The following TENM3 variants were observed in gnomAD, a reference collection of about 807,000 sequenced individuals.
The protein encoded by TENM3 is teneurin transmembrane protein 3, also known as teneurin-3.
TENM3 carries 63 observed loss-of-function variants against 255.1 expected under a neutral mutation model. That is an observed-to-expected ratio of 0.25 (90% CI 0.20 to 0.30). The LOEUF (loss-of-function observed/expected upper bound fraction) is 0.30, where lower values mean the gene tolerates loss of function less well. TENM3 is among the 10% of genes least tolerant of loss of function. TENM3 has a pLI of 1.00. For synonymous variants in TENM3, 1,306 were observed against 1,322.3 expected (o/e 0.99, Z 0.27); for missense variants, 2,929 against 3,461.1 (o/e 0.85, Z 3.86).
chr4:182,259,571 C>T (rs765118212), intron 1 of TENM3, among the ~76,000 whole-genome samples: 4 of 152,138 alleles, frequency 2.6e-5, no homozygotes, highest in African/African-American at 7.2e-5. Flanking sequence ...CCTCTGCCTC[C>T]CAAAGTGCTG....
At chr4:181,953,724 C>A in the TENM3 span, among the ~76,000 whole-genome samples, 2 of 151,910 alleles carry the variant, frequency 1.3e-5, no homozygotes, top group East Asian at 3.9e-4. Flanking sequence ...TGTGAAGAAG[C>A]TTTATAAACC....
intron 1 of TENM3, among the ~76,000 whole-genome samples, chr4:182,150,047 T>C (rs1397271278): frequency 6.6e-6 from 1 of 152,022 alleles, no homozygotes; most frequent in South Asian, 2.1e-4. Context: ...TCTCAAATAT[T>C]GTGGAGTAGT....
chr4:182,364,894 T>A (rs1329398287), intron 3 of TENM3, among the ~76,000 whole-genome samples: 1 of 152,242 alleles, frequency 6.6e-6, no homozygotes, highest in African/African-American at 2.4e-5. Flanking sequence ...GGCTAAATCT[T>A]TGCCTCTAAT....
At chr4:181,690,533 A>T in the TENM3 span, among the ~76,000 whole-genome samples, 1 of 152,206 alleles carries the variant, frequency 6.6e-6, no homozygotes, top group South Asian at 2.1e-4. Context: ...CACTTTAAAA[A>T]ATACATATGT....
chr4:182,137,956 T>C, the TENM3 span, among the ~76,000 whole-genome samples: 1 of 152,198 alleles, frequency 6.6e-6, no homozygotes, highest in Non-Finnish European at 1.5e-5. Flanking sequence ...GAATAGTAAA[T>C]AAATTATTTT....
At chr4:182,253,107 T>G (rs1224096543) in intron 1 of TENM3, among the ~76,000 whole-genome samples, 1 of 152,206 alleles carries the variant, frequency 6.6e-6, no homozygotes, top group Non-Finnish European at 1.5e-5. Context: ...ACATTTTACT[T>G]TAGGGTTTAA....
At chr4:182,316,474 C>A (rs2150451620) in intron 1 of TENM3, among the ~76,000 whole-genome samples, 1 of 152,102 alleles carries the variant, frequency 6.6e-6, no homozygotes, top group Non-Finnish European at 1.5e-5. Context: ...AAATTTTGCC[C>A]CAGGGACATT....
the TENM3 span, among the ~76,000 whole-genome samples, chr4:181,875,636 A>C: frequency 6.6e-6 from 1 of 152,088 alleles, no homozygotes; most frequent in Non-Finnish European, 1.5e-5. Context: ...ACGACAACAC[A>C]TTGATCTTTC....
At chr4:182,203,360 T>C (rs1211838821) in intron 1 of TENM3, among the ~76,000 whole-genome samples, 1 of 152,180 alleles carries the variant, frequency 6.6e-6, no homozygotes, top group Non-Finnish European at 1.5e-5. Context: ...GTTTAGGGCA[T>C]TGGAGAGAAA....
chr4:181,701,658 T>C, the TENM3 span, among the ~76,000 whole-genome samples: 2 of 152,232 alleles, frequency 1.3e-5, no homozygotes, highest in African/African-American at 2.4e-5. Context: ...CTTGCCTTTA[T>C]AGTGAAAGAC....
rs1029226534 is a variant in TENM3, at chr4:182,748,377, C to T, written c.3630-3423C>T. On this transcript the variant is annotated intron_variant, in intron 19 of 27. Coordinates refer to ENST00000511685, the MANE Select transcript of TENM3 (RefSeq NM_001080477.4). ...ATCCCTGTGCTCCAGCTGCTGGCTG[C>T]AGCCGGTTCCGTCGTGGTAGCCTCA... Among the ~76,000 whole-genome samples, 43 of 152,200 alleles carry T rather than the reference C, an allele frequency of 2.8e-4. 2 individuals are homozygous for T.
chr4:182,022,316 C>T, the TENM3 span, among the ~76,000 whole-genome samples: 95 of 152,250 alleles, frequency 6.2e-4, no homozygotes, highest in African/African-American at 2.2e-3. Context: ...TCAAATACTG[C>T]ATGTTCTCAC....
At chr4:181,449,319 C>T in the TENM3 span, among the ~76,000 whole-genome samples, 5 of 152,096 alleles carry the variant, frequency 3.3e-5, no homozygotes, top group East Asian at 1.9e-4. Flanking sequence ...CCTAACTACA[C>T]ACTGTGATCC....
At chr4:182,355,913 A>T (rs992294190) in intron 3 of TENM3, among the ~76,000 whole-genome samples, 5 of 147,778 alleles carry the variant, frequency 3.4e-5, no homozygotes, top group Admixed American at 1.4e-4. Flanking sequence ...TATATATATT[A>T]TATATATATA....
the TENM3 span, among the ~76,000 whole-genome samples, chr4:182,043,578 A>G: frequency 6.6e-6 from 1 of 152,162 alleles, no homozygotes; most frequent in African/African-American, 2.4e-5. Context: ...ACAAGCATAC[A>G]CTGTGAAAAA....
the TENM3 span, among the ~76,000 whole-genome samples, chr4:181,582,669 CAAAAA>C: frequency 1.4e-4 from 18 of 124,736 alleles, no homozygotes; most frequent in South Asian, 4.7e-3. Context: ...CAAAACAAAT[CAAAAA>C]AAAAAAAAAA....
the TENM3 span, among the ~76,000 whole-genome samples, chr4:182,030,817 T>C: frequency 6.6e-6 from 1 of 152,170 alleles, no homozygotes. Flanking sequence ...ACGTTGAGCG[T>C]TTTTTTATAT....
chr4:181,710,382 G>A, the TENM3 span, among the ~76,000 whole-genome samples: 15 of 152,200 alleles, frequency 9.9e-5, no homozygotes, highest in South Asian at 1.2e-3. Context: ...GGAGGAGCAC[G>A]TTGGATCTGG....
chr4:182,166,413 C>G (rs191670406), intron 1 of TENM3, among the ~76,000 whole-genome samples: 1 of 152,170 alleles, frequency 6.6e-6, no homozygotes, highest in African/African-American at 2.4e-5. Flanking sequence ...GCACCTCAGT[C>G]ATGGCCATTC....
Sources: allele counts gnomAD v4.1 joint callset (sites outside exome capture counted in the v4.1 genomes callset), GRCh38; gene constraint gnomAD v4.1.1; transcripts MANE v1.5; gene names NCBI Gene and HGNC (gene_info 2026-07-23, HGNC 2026-07-21).